The following CLPB variants were observed in gnomAD, a reference collection of about 807,000 sequenced individuals.
CLPB encodes ClpB family mitochondrial disaggregase, also known as mitochondrial disaggregase.
In CLPB, 40 loss-of-function variants were observed where a neutral mutation model predicts 78.4. The observed-to-expected ratio is 0.51, with a 90% confidence interval of 0.40 to 0.66. The LOEUF is 0.66. CLPB is among the 30% of genes least tolerant of loss of function. The pLI, the probability that CLPB is intolerant of heterozygous loss-of-function variation, is 0.00. For synonymous variants in CLPB, 333 were observed against 348.0 expected (o/e 0.96, Z 0.48); for missense variants, 780 against 886.9 (o/e 0.88, Z 1.53).
chr11:72,432,715 C>T (rs1856582890), intron 1 of CLPB, among the ~76,000 whole-genome samples: 1 of 152,202 alleles, frequency 6.6e-6, no homozygotes, highest in South Asian at 2.1e-4. Flanking sequence ...GATGAGGAAA[C>T]AGAGGACCCG....
chr11:72,426,054 C>T (rs1022931345), intron 2 of CLPB, among the ~76,000 whole-genome samples: 8 of 152,118 alleles, frequency 5.3e-5, no homozygotes, highest in African/African-American at 1.4e-4. Flanking sequence ...ATGGCAGATG[C>T]TGTTTGTCAA....
At position 72,422,336 on chromosome 11, in the gene CLPB, A is replaced by T. The variant is rs1413617400; in HGVS notation, c.455+7976T>A. Among the ~76,000 whole-genome samples, 4 of 151,948 alleles carry T rather than the reference A, an allele frequency of 2.6e-5. No individual in the cohort carries two copies. The East Asian group carries it at 7.7e-4, about 29-fold the overall frequency. On this transcript the variant is annotated intron_variant, in intron 2 of 15. Transcript: ENST00000538039. ...AGGTCTCAGTGGGGACCCCATGAACAATACTTGGAAGCTAAGACTTAGGGT... is the reference window on the plus strand; with the variant it reads ...AGGTCTCAGTGGGGACCCCATGAACTATACTTGGAAGCTAAGACTTAGGGT...
intron 7 of CLPB, among the ~76,000 whole-genome samples, chr11:72,308,905 G>A (rs1444047914): frequency 6.6e-6 from 1 of 152,184 alleles, no homozygotes; most frequent in African/African-American, 2.4e-5. Flanking sequence ...GGAGGTGAAG[G>A]GGGTGGGGGA....
At chr11:72,305,464 C>G (rs1949730620) in intron 9 of CLPB, among the ~76,000 whole-genome samples, 1 of 152,226 alleles carries the variant, frequency 6.6e-6, no homozygotes, top group Non-Finnish European at 1.5e-5. Context: ...GAGCACACAG[C>G]ATCGTCACTT....
At chr11:72,424,693 T>C (rs999910248) in intron 2 of CLPB, among the ~76,000 whole-genome samples, 5 of 152,166 alleles carry the variant, frequency 3.3e-5, no homozygotes, top group Non-Finnish European at 7.4e-5. Flanking sequence ...CAGACCATCC[T>C]GGCTAACATG....
intron 4 of CLPB, among the ~76,000 whole-genome samples, chr11:72,360,179 T>C (rs1427163279): frequency 6.6e-6 from 1 of 152,200 alleles, no homozygotes; most frequent in African/African-American, 2.4e-5. Flanking sequence ...GCTGAGTTTG[T>C]AGGGGTAGAA....
chr11:72,303,191 A>G (rs945183965), intron 9 of CLPB, among the ~76,000 whole-genome samples: 2 of 152,212 alleles, frequency 1.3e-5, no homozygotes, highest in African/African-American at 4.8e-5. Flanking sequence ...CCAGGACCAC[A>G]GTTCCCCACA....
chr11:72,295,125 CAT>C (rs1233296092), intron 12 of CLPB, among the ~76,000 whole-genome samples: 1 of 152,190 alleles, frequency 6.6e-6, no homozygotes, highest in Non-Finnish European at 1.5e-5. Context: ...TGTCCACTGC[CAT>C]AGAGTTTTCG....
chr11:72,407,051 T>C (rs1855731299), intron 2 of CLPB, among the ~76,000 whole-genome samples: 2 of 152,334 alleles, frequency 1.3e-5, no homozygotes, highest in Middle Eastern at 3.4e-3. Flanking sequence ...CCACATTTTC[T>C]TTCTCTGCTC....
Position 72,315,900 on chromosome 11 carries a change from A to G in CLPB, c.988+1206T>C, listed in dbSNP as rs184957574. Among the ~76,000 whole-genome samples the G allele has an allele frequency of 1.2e-4, 19 of 152,244 alleles. No individual in the cohort carries two copies. In the East Asian group the frequency reaches 3.1e-3, roughly 25 times the overall value. ...AGGTGTTGGGTGCTGCTTGCCTACC[A>G]TAAGTTCTGACCCAGAGAGTGCTTC... On this transcript the variant is annotated intron_variant, in intron 7 of 15. Transcript: ENST00000538039.
rs190508223 is a variant in CLPB at position 72,317,227 on chromosome 11, G to C, written c.874-7C>G. Reference sequence around the variant, plus strand: ...TCCGCTGCTTCTCTTGGTACTGTGGGGAGAGAGGGCAAATGGTTGAGGGCT... The same window carrying C: ...TCCGCTGCTTCTCTTGGTACTGTGGCGAGAGAGGGCAAATGGTTGAGGGCT... On this transcript the variant is annotated splice_polypyrimidine_tract_variant and splice_region_variant and intron_variant, in intron 6 of 15. Transcript: ENST00000538039. 1.6e-5 allele frequency: 26 copies of C among 1,600,882 alleles called. No homozygotes were observed. In the African/African-American group the frequency reaches 3.5e-4, roughly 21 times the overall value.
At chr11:72,297,180 G>A (rs571364831) in intron 11 of CLPB, among the ~76,000 whole-genome samples, 2 of 152,346 alleles carry the variant, frequency 1.3e-5, no homozygotes, top group African/African-American at 2.4e-5. Context: ...GCCAGAAACC[G>A]TGGCTCTGGG....
intron 2 of CLPB, among the ~76,000 whole-genome samples, chr11:72,410,332 A>AT (rs1263252496): frequency 6.6e-6 from 1 of 152,174 alleles, no homozygotes; most frequent in Non-Finnish European, 1.5e-5. Context: ...TGCTTCCTTC[A>AT]TTTACATGAT....
intron 9 of CLPB, among the ~76,000 whole-genome samples, chr11:72,306,487 A>T (rs1355846878): frequency 4.6e-5 from 7 of 152,240 alleles, no homozygotes; most frequent in Admixed American, 3.9e-4. Context: ...ACTCTCTCCG[A>T]GGACTGCTGT....
rs140827785 is a variant in CLPB, at chr11:72,397,111, G to A, written c.542+5855C>T. 2.9e-3 allele frequency among the ~76,000 whole-genome samples: 443 copies of A among 152,196 alleles called. 1 individual carries two copies. The highest frequency in any genetic ancestry group is 0.01 in the African/African-American group (430 of 41,522). The stretch of plus-strand genomic sequence containing the variant: ...ACTGGCAACCACCAATCTGATTTCT[G>A]CCCCTAAAGTTCTGTCTTCTCCAGA... On this transcript the variant is annotated intron_variant, in intron 3 of 15. Transcript: ENST00000538039.
chr11:72,401,529 T>A (rs889283800), intron 3 of CLPB, among the ~76,000 whole-genome samples: 4 of 152,156 alleles, frequency 2.6e-5, no homozygotes, highest in Admixed American at 2.6e-4. Flanking sequence ...ACCGAGTGAC[T>A]AAGAACAAGT....
chr11:72,348,830 T>C (rs1427037236), intron 5 of CLPB, among the ~76,000 whole-genome samples: 1 of 152,184 alleles, frequency 6.6e-6, no homozygotes, highest in East Asian at 1.9e-4. Flanking sequence ...TCAACAAATG[T>C]TGGCTAGGCA....
chr11:72,387,107 A>C (rs1237230369), intron 3 of CLPB, among the ~76,000 whole-genome samples: 1 of 152,242 alleles, frequency 6.6e-6, no homozygotes, highest in Non-Finnish European at 1.5e-5. Context: ...AATGTATTAT[A>C]ACCCATTAAT....
chr11:72,333,982 C>A (rs1328691268), intron 5 of CLPB, among the ~76,000 whole-genome samples: 1 of 151,986 alleles, frequency 6.6e-6, no homozygotes, highest in Non-Finnish European at 1.5e-5. Context: ...AGGGAGAGAC[C>A]TCTGGAAGGG....
Sources: gnomAD v4.1 joint callset for allele counts (sites outside exome capture counted in the v4.1 genomes callset) on GRCh38, gnomAD v4.1.1 for gene constraint, MANE v1.5 for transcripts, NCBI Gene and HGNC (gene_info 2026-07-23, HGNC 2026-07-21) for gene names.